Variants in KCNIP4 observed in about 807,000 individuals in gnomAD.
The protein encoded by KCNIP4 is Kv channel-interacting protein 4.
A neutral mutation model predicts 34.0 loss-of-function variants in KCNIP4; 12 were observed. That is an observed-to-expected ratio of 0.35 (90% CI 0.23 to 0.57). KCNIP4 has a LOEUF of 0.57. Ranked by LOEUF, KCNIP4 falls within the 20% of genes least tolerant of loss-of-function variation. KCNIP4 has a pLI of 0.83. For missense variants in KCNIP4, 238 were observed against 311.7 expected (o/e 0.76, Z 1.78); for synonymous variants, 124 against 102.2 (o/e 1.21, Z -1.29).
At chr4:21,446,769 A>T (rs946973140) in intron 1 of KCNIP4, among the ~76,000 whole-genome samples, 1 of 152,126 alleles carries the variant, frequency 6.6e-6, no homozygotes, top group Non-Finnish European at 1.5e-5. Context: ...ATAATAAAAA[A>T]AAATTATTCC....
intron 2 of KCNIP4, among the ~76,000 whole-genome samples, chr4:20,876,269 T>A (rs1724017048): frequency 6.6e-6 from 1 of 152,132 alleles, no homozygotes; most frequent in Non-Finnish European, 1.5e-5. Context: ...TCAAATAATG[T>A]CCATTGAATG....
At chr4:21,456,723 T>C (rs1443023909) in intron 1 of KCNIP4, among the ~76,000 whole-genome samples, 3 of 148,766 alleles carry the variant, frequency 2.0e-5, no homozygotes, top group Non-Finnish European at 2.9e-5. Flanking sequence ...TACAGCTCCA[T>C]GTAGATTTGC....
rs551445629 is a variant in KCNIP4 at position 20,841,439 on chromosome 4, C to T, written c.288+9104G>A. On this transcript the variant is annotated intron_variant, in intron 3 of 8. Coordinates refer to ENST00000382152, the MANE Select transcript of KCNIP4 (RefSeq NM_025221.6). ...GGGAGCACATAGCAGAGTCTCCAAA[C>T]CTACTTTAGGAGATATCAGAGAAAG... Among the ~76,000 whole-genome samples the T allele has an allele frequency of 8.5e-5, 13 of 152,274 alleles. No individual in the cohort carries two copies. In the East Asian group the frequency reaches 2.3e-3, roughly 27 times the overall value.
At chr4:20,799,581 G>T (rs2149415113) in intron 3 of KCNIP4, among the ~76,000 whole-genome samples, 1 of 152,250 alleles carries the variant, frequency 6.6e-6, no homozygotes, top group South Asian at 2.1e-4. Context: ...TCCAGGGAAT[G>T]AAGTCATTGC....
chr4:21,240,329 CA>C (rs202097213), intron 1 of KCNIP4, among the ~76,000 whole-genome samples: 28,865 of 149,548 alleles, frequency 0.19, 5,408 homozygotes, highest in African/African-American at 0.49. Flanking sequence ...ACATATGTAA[CA>C]AAACCTGCAC....
chr4:20,891,880 T>A (rs1400877995), intron 1 of KCNIP4, among the ~76,000 whole-genome samples: 1 of 152,172 alleles, frequency 6.6e-6, no homozygotes, highest in Non-Finnish European at 1.5e-5. Context: ...GGACTTACAG[T>A]TCATAAATAC....
At chr4:20,760,163 GTC>G (rs1754833304) in intron 3 of KCNIP4, among the ~76,000 whole-genome samples, 1 of 152,132 alleles carries the variant, frequency 6.6e-6, no homozygotes, top group African/African-American at 2.4e-5. Context: ...GTTCTGTTTA[GTC>G]TCTTTTAGTA....
At chr4:21,258,197 A>G (rs1258428998) in intron 1 of KCNIP4, among the ~76,000 whole-genome samples, 1 of 152,156 alleles carries the variant, frequency 6.6e-6, no homozygotes, top group Non-Finnish European at 1.5e-5. Flanking sequence ...TGTAGGCAAA[A>G]TCCCATTAGG....
chr4:21,537,437 T>A (rs1404746390), intron 1 of KCNIP4, among the ~76,000 whole-genome samples: 2 of 152,122 alleles, frequency 1.3e-5, no homozygotes, highest in Non-Finnish European at 2.9e-5. Flanking sequence ...ATATTTTAAA[T>A]CCTTATATCT....
At chr4:21,569,398 T>C (rs528481160) in intron 1 of KCNIP4, among the ~76,000 whole-genome samples, 25 of 151,968 alleles carry the variant, frequency 1.6e-4, no homozygotes, top group Admixed American at 4.6e-4. Flanking sequence ...TGAGTGCTAG[T>C]GAAAGAATTA....
intron 1 of KCNIP4, among the ~76,000 whole-genome samples, chr4:21,215,405 T>C (rs1321472961): frequency 6.6e-6 from 1 of 152,228 alleles, no homozygotes; most frequent in African/African-American, 2.4e-5. Flanking sequence ...GACATATTCA[T>C]TGATTCAAGC....
intron 1 of KCNIP4, among the ~76,000 whole-genome samples, chr4:21,432,753 A>G (rs1408451899): frequency 6.6e-6 from 1 of 152,226 alleles, no homozygotes; most frequent in Non-Finnish European, 1.5e-5. Context: ...CATTCTTGGT[A>G]AAAGCAAACA....
chr4:21,055,305 A>G (rs10032646), intron 1 of KCNIP4, among the ~76,000 whole-genome samples: 3 of 152,200 alleles, frequency 2.0e-5, no homozygotes, highest in African/African-American at 2.4e-5. Flanking sequence ...AGAAACTCCT[A>G]TGCATTGCTG....
At chr4:21,418,252 C>T (rs1381283023) in intron 1 of KCNIP4, among the ~76,000 whole-genome samples, 1 of 152,122 alleles carries the variant, frequency 6.6e-6, no homozygotes, top group African/African-American at 2.4e-5. Context: ...AGCCTGCATC[C>T]GTGCCTTATG....
intron 1 of KCNIP4, among the ~76,000 whole-genome samples, chr4:21,395,058 G>T (rs191518782): frequency 6.6e-6 from 1 of 151,966 alleles, no homozygotes; most frequent in African/African-American, 2.4e-5. Flanking sequence ...AACTTAACAC[G>T]TGTGGGGACC....
chr4:21,504,465 CA>C (rs376644707), intron 1 of KCNIP4, among the ~76,000 whole-genome samples: 21 of 56,340 alleles, frequency 3.7e-4, no homozygotes, highest in Admixed American at 9.6e-4. Context: ...GACTCCAACT[CA>C]AAAAAAAAAA....
intron 1 of KCNIP4, among the ~76,000 whole-genome samples, chr4:20,910,840 G>A (rs557955059): frequency 7.3e-4 from 111 of 152,238 alleles, no homozygotes; most frequent in African/African-American, 2.6e-3. Flanking sequence ...CTCTAGCCCC[G>A]TTATGCCCCT....
At chr4:20,828,900 C>T (rs1339515079) in intron 3 of KCNIP4, among the ~76,000 whole-genome samples, 1 of 152,140 alleles carries the variant, frequency 6.6e-6, no homozygotes, top group Non-Finnish European at 1.5e-5. Flanking sequence ...TTTCAATGTT[C>T]AGACTTGCTG....
At chr4:21,896,923 C>T (rs1185126960) in intron 1 of KCNIP4, among the ~76,000 whole-genome samples, 3 of 136,696 alleles carry the variant, frequency 2.2e-5, no homozygotes, top group Non-Finnish European at 4.7e-5. Flanking sequence ...CAAAAAAATA[C>T]ATAAATAAAT....
Sources: allele counts gnomAD v4.1 joint callset (sites outside exome capture counted in the v4.1 genomes callset), GRCh38; gene constraint gnomAD v4.1.1; transcripts MANE v1.5; gene names NCBI Gene and HGNC (gene_info 2026-07-23, HGNC 2026-07-21).